The following SCNN1D variants were observed in gnomAD, a reference collection of about 807,000 sequenced individuals.
SCNN1D encodes the protein sodium channel epithelial 1 subunit delta, also known as epithelial sodium channel subunit delta.
Under a neutral mutation model 87.8 loss-of-function variants are expected in SCNN1D, and 104 were observed. That is an observed-to-expected ratio of 1.18 (90% confidence interval 1.01 to 1.39). The LOEUF (loss-of-function observed/expected upper bound fraction) is 1.39. Among genes scored for constraint, SCNN1D ranks in the 40% most tolerant of loss-of-function variants. The pLI is 0.00. For missense variants in SCNN1D, 1,324 were observed against 1,093.9 expected (o/e 1.21, Z -2.97); for synonymous variants, 628 against 481.2 (o/e 1.31, Z -3.99).
chr1:1,290,053 G>A (rs1228715569), intron 12 of SCNN1D, among the ~76,000 whole-genome samples: 1 of 78,646 alleles, frequency 1.3e-5, no homozygotes, highest in Non-Finnish European at 2.1e-5. Flanking sequence ...TCCCTGCTCC[G>A]TCCCGTGTCT....
At chr1:1,280,716 C>T (rs1640452776) in intron 1 of SCNN1D, 50 bp downstream of exon 1, 3 of 699,464 alleles carry the variant, frequency 4.3e-6, no homozygotes, top group Non-Finnish European at 7.8e-6. Context: ...TTCAGGTTAA[C>T]TTTGGAATGC....
intron 1 of SCNN1D, 22 bp from the exon 2 acceptor site, chr1:1,281,204 G>A: frequency 6.5e-7 from 1 of 1,534,038 alleles, no homozygotes; most frequent in Non-Finnish European, 8.7e-7. Context: ...TCCCACAGAT[G>A]CCAGGCGCCT....
chr1:1,288,060 TGC>T, intron 12 of SCNN1D, 23 bp downstream of exon 12: 49 of 976,184 alleles, frequency 5.0e-5, no homozygotes, highest in South Asian at 1.7e-4. Flanking sequence ...TGGCAGGGGG[TGC>T]GGGGGCAGGT....
In SCNN1D at chr1:1,284,069, A is replaced by AC. The variant is rs1404554154; in HGVS notation, c.444dup (p.Gly149ArgfsTer124). 6.0e-5 allele frequency: 67 copies of AC among 1,123,148 alleles called. No homozygotes were observed. The highest frequency in any genetic ancestry group is 7.2e-5 in the Non-Finnish European group (66 of 912,438). The allele number at this position is 1,123,148 out of a possible 1,614,324, so 69.6% of individuals were successfully genotyped here. ...TGGACGGGAGAATGGAAGCAGCCAC[A>AC]CGGGGGGGCTCTCACCTCCAGGTAC... On this transcript the variant is annotated frameshift_variant, in exon 5 of 18. Coordinates refer to ENST00000379116, the MANE Select transcript of SCNN1D (RefSeq NM_001130413.4). LOFTEE classifies it high-confidence loss of function.
At chr1:1,283,920 G>A in intron 4 of SCNN1D, 58 bp from the exon 5 acceptor site, 1 of 1,029,232 alleles carries the variant, frequency 9.7e-7, no homozygotes, top group Non-Finnish European at 1.3e-6. Flanking sequence ...GGCTGCCCTG[G>A]CTGGGTCCTC....
chr1:1,282,067 G>C, intron 3 of SCNN1D, 175 bp from the exon 4 acceptor site: 1 of 614,270 alleles, frequency 1.6e-6, no homozygotes, highest in East Asian at 2.8e-5. Flanking sequence ...CCAGGCCTGT[G>C]CTGTGTCCGG....
chr1:1,287,498 C>T lies in SCNN1D; in HGVS notation c.1311-10C>T, dbSNP rs755362323. 2 of 1,517,962 alleles carry T rather than the reference C, an allele frequency of 1.3e-6. No individual in the cohort carries two copies. The highest frequency in any genetic ancestry group is 1.8e-6 in the Non-Finnish European group (2 of 1,131,848). 94.0% of individuals were successfully genotyped at this position (1,517,962 alleles called of 1,614,324 possible). On this transcript the variant is annotated splice_polypyrimidine_tract_variant and intron_variant, in intron 9 of 17. Transcript: ENST00000379116. ...GACATTCAAGGTCTGAGCTTGGCTT[C>T]TCATTCCAGACAGTTCCGGACCTTC...
intron 5 of SCNN1D, 117 bp from the exon 6 acceptor site, chr1:1,285,454 G>A (rs1287192893): frequency 8.8e-6 from 6 of 684,020 alleles, no homozygotes; most frequent in Non-Finnish European, 1.4e-5. Context: ...TCCTCAGCAG[G>A]CCACACTGGG....
intron 12 of SCNN1D, among the ~76,000 whole-genome samples, 154 bp downstream of exon 12, chr1:1,288,191 C>T (rs1408606668): frequency 1.3e-5 from 2 of 151,734 alleles, no homozygotes; most frequent in Non-Finnish European, 2.9e-5. Context: ...CCCCGTGTCC[C>T]CGCTCCATTC....
Position 1,290,298 on chromosome 1 carries a change from C to T in SCNN1D, c.1690C>T (p.Leu564=), listed in dbSNP as rs1473177990. ...CTGCCTGGTGTCCTGCTTCCAGCAG[C>T]TGATGGTGGAGACCTGCTCCTGTGG... ...QACLVSCFQQ[L]MVETCSCGYY... The change falls in exon 13 of 18, where the codon CTG becomes TTG. Residue 564 remains leucine (L), a synonymous_variant. Transcript: ENST00000379116. The T allele has an allele frequency of 1.3e-6, 2 of 1,580,002 alleles. No homozygotes were observed. Among genetic ancestry groups the T allele is most frequent in the Non-Finnish European group, 1.7e-6 (2 of 1,161,170 alleles).
At chr1:1,288,065 G>A (rs1166318506) in intron 12 of SCNN1D, 28 bp downstream of exon 12, 3 of 1,478,504 alleles carry the variant, frequency 2.0e-6, no homozygotes, top group Non-Finnish European at 2.7e-6. Flanking sequence ...GGGGGTGCGG[G>A]GGCAGGTGAG....
At chr1:1,283,957 C>A (rs1335402024) in intron 4 of SCNN1D, 21 bp from the exon 5 acceptor site, 1 of 1,418,756 alleles carries the variant, frequency 7.0e-7, no homozygotes, top group Non-Finnish European at 9.3e-7. Flanking sequence ...GTCCCACGCC[C>A]AGCCAGCCTG....
chr1:1,291,411 C>A lies in SCNN1D; in HGVS notation c.2210C>A (p.Pro737His). 1 of 1,607,712 alleles carries A rather than the reference C, an allele frequency of 6.2e-7. No individual in the cohort carries two copies. The change falls in exon 18 of 18, where the codon CCC (proline) becomes CAC (histidine). Residue 737 changes from proline (P) to histidine (H), a missense_variant. By Grantham distance (77) the Pro-to-His change is moderately conservative. Coordinates refer to ENST00000379116, the MANE Select transcript of SCNN1D (RefSeq NM_001130413.4). ...CTCCGCAGGGCGTGGTTCTCCTGGC[C>A]CAGAGCCAGCCCTGCCTCAGGGGCG... is the stretch of plus-strand genomic sequence containing the variant. ...RRLRRAWFSWPRASPASGASS... is the reference protein window; with the variant it reads ...RRLRRAWFSWHRASPASGASS...
chr1:1,282,207 C>A, intron 3 of SCNN1D, 35 bp from the exon 4 acceptor site: 3 of 1,209,610 alleles, frequency 2.5e-6, no homozygotes, highest in South Asian at 1.3e-5. Context: ...CTCGGGAAGG[C>A]CACACAGCCA....
intron 4 of SCNN1D, among the ~76,000 whole-genome samples, chr1:1,282,816 G>C (rs983697719): frequency 1.3e-5 from 2 of 151,030 alleles, no homozygotes; most frequent in Middle Eastern, 3.2e-3. Context: ...GCAGTGGCAC[G>C]ATCTCGGCTC....
Position 1,281,691 on chromosome 1 carries a change from G to A in SCNN1D, c.277+81G>A, listed in dbSNP as rs1264307993. Reference sequence around the variant, plus strand: ...GCCGGGAGCTGCGTGATCCAGCCGAGATGTGCTCTGACTGAGGCCCTGCAG... The same window carrying A: ...GCCGGGAGCTGCGTGATCCAGCCGAAATGTGCTCTGACTGAGGCCCTGCAG... On this transcript the variant is annotated intron_variant, in intron 3 of 17. Transcript: ENST00000379116. 1.2e-5 allele frequency: 15 copies of A among 1,301,372 alleles called. No homozygotes were observed. In the South Asian group the frequency reaches 1.9e-4, roughly 17 times the overall value. The allele number at this position is 1,301,372 out of a possible 1,614,324, so 80.6% of individuals were successfully genotyped here. A position where few individuals can be genotyped will look rare whatever the true frequency, so the allele number is the denominator to read the frequency against.
chr1:1,289,899 T>C (rs867058634), intron 12 of SCNN1D, among the ~76,000 whole-genome samples: 18 of 46,234 alleles, frequency 3.9e-4, no homozygotes, highest in African/African-American at 8.7e-4. Flanking sequence ...GTCCCGTGTC[T>C]CTGCTCCGTC....
intron 7 of SCNN1D, 25 bp from the exon 8 acceptor site, chr1:1,286,743 C>CT (rs773714235): frequency 1.2e-6 from 2 of 1,606,848 alleles, no homozygotes; most frequent in South Asian, 1.1e-5. Context: ...GCCGGCAACT[C>CT]TGACTCCAGG....
intron 4 of SCNN1D, among the ~76,000 whole-genome samples, chr1:1,282,648 C>T (rs906807657): frequency 5.3e-5 from 8 of 151,964 alleles, no homozygotes; most frequent in Non-Finnish European, 7.4e-5. Flanking sequence ...TGTGTGAGGT[C>T]TTAGCGTGTG....
Sources: gnomAD v4.1 joint callset for allele counts (sites outside exome capture counted in the v4.1 genomes callset) on GRCh38, gnomAD v4.1.1 for gene constraint, MANE v1.5 for transcripts, NCBI Gene and HGNC (gene_info 2026-07-23, HGNC 2026-07-21) for gene names.